CACNG3: variants seen among roughly 807,000 people sequenced by gnomAD.
The protein encoded by CACNG3 is calcium voltage-gated channel auxiliary subunit gamma 3.
CACNG3 carries 3 observed loss-of-function variants against 28.5 expected under a neutral mutation model. The ratio of observed to expected loss-of-function variants is 0.11; its 90% confidence interval spans 0.05 to 0.27. The LOEUF is 0.27. Among genes scored for constraint, CACNG3 ranks in the 10% least tolerant of loss-of-function variants. The pLI is 1.00. For missense variants in CACNG3, 236 were observed against 414.4 expected, an observed-to-expected ratio of 0.57 and a Z score of 3.74; for synonymous variants, 174 against 162.2, an observed-to-expected ratio of 1.07 and a Z score of -0.55.
intron 1 of CACNG3, among the ~76,000 whole-genome samples, chr16:24,274,470 T>C (rs1373616191): frequency 1.3e-5 from 2 of 152,212 alleles, no homozygotes; most frequent in East Asian, 3.9e-4. Context: ...TTGGACAGAA[T>C]CTACTCATCT....
At chr16:24,343,775 T>C (rs999507176) in intron 1 of CACNG3, among the ~76,000 whole-genome samples, 4 of 152,130 alleles carry the variant, frequency 2.6e-5, no homozygotes, top group African/African-American at 9.7e-5. Context: ...CTCATATTAA[T>C]AACATTGCCT....
intron 1 of CACNG3, among the ~76,000 whole-genome samples, chr16:24,283,688 T>C (rs930666350): frequency 1.3e-5 from 2 of 152,230 alleles, no homozygotes; most frequent in African/African-American, 4.8e-5. Context: ...GAGAATAGTG[T>C]TAAATAATGG....
At chr16:24,319,774 T>G (rs1015955103) in intron 1 of CACNG3, among the ~76,000 whole-genome samples, 2 of 151,754 alleles carry the variant, frequency 1.3e-5, no homozygotes, top group African/African-American at 4.8e-5. Flanking sequence ...TATTTTTGTT[T>G]GTTTGTTTTG....
chr16:24,331,471 A>G (rs1899630325), intron 1 of CACNG3, among the ~76,000 whole-genome samples: 1 of 152,100 alleles, frequency 6.6e-6, no homozygotes, highest in Non-Finnish European at 1.5e-5. Flanking sequence ...CACCCCCATC[A>G]CCAGTGGCTT....
intron 1 of CACNG3, among the ~76,000 whole-genome samples, chr16:24,281,993 C>A (rs553449312): frequency 6.6e-6 from 1 of 152,266 alleles, no homozygotes; most frequent in South Asian, 2.1e-4. Flanking sequence ...ATTCAGGCAG[C>A]CTTTCACCAG....
At chr16:24,272,659 T>A (rs1249450573) in intron 1 of CACNG3, among the ~76,000 whole-genome samples, 1 of 152,204 alleles carries the variant, frequency 6.6e-6, no homozygotes. Context: ...TCATGCACGT[T>A]ATTTTACATT....
chr16:24,289,332 T>A (rs866290464), intron 1 of CACNG3, among the ~76,000 whole-genome samples: 2 of 151,056 alleles, frequency 1.3e-5, no homozygotes, highest in Non-Finnish European at 1.5e-5. Context: ...AGAAAAAAAA[T>A]CCCTTCAGAT....
intron 1 of CACNG3, among the ~76,000 whole-genome samples, chr16:24,331,326 A>G (rs557229398): frequency 6.6e-6 from 1 of 152,338 alleles, no homozygotes; most frequent in South Asian, 2.1e-4. Context: ...AAATGAAGCA[A>G]GCCTATTCAT....
chr16:24,311,311 G>C (rs568038116), intron 1 of CACNG3, among the ~76,000 whole-genome samples: 2 of 152,204 alleles, frequency 1.3e-5, no homozygotes, highest in East Asian at 3.9e-4. Flanking sequence ...GGGAGTTTAA[G>C]ACCACCCTGG....
At chr16:24,262,799 C>G (rs1322936178) in intron 1 of CACNG3, among the ~76,000 whole-genome samples, 1 of 152,194 alleles carries the variant, frequency 6.6e-6, no homozygotes, top group Non-Finnish European at 1.5e-5. Context: ...AAGTAGATGC[C>G]TTGAAAATAC....
At chr16:24,355,854 G>A (rs920522302) in intron 3 of CACNG3, among the ~76,000 whole-genome samples, 1 of 152,122 alleles carries the variant, frequency 6.6e-6, no homozygotes, top group Non-Finnish European at 1.5e-5. Context: ...AAGCATCTCT[G>A]GGAACAAGGT....
chr16:24,358,962 T>C (rs1204286007), intron 3 of CACNG3, among the ~76,000 whole-genome samples: 1 of 152,206 alleles, frequency 6.6e-6, no homozygotes, highest in Non-Finnish European at 1.5e-5. Context: ...GTGTGGCACA[T>C]GGTAAGCGCC....
chr16:24,340,929 T>C (rs1042518229), intron 1 of CACNG3, among the ~76,000 whole-genome samples: 1 of 152,358 alleles, frequency 6.6e-6, no homozygotes, highest in South Asian at 2.1e-4. Context: ...CTGCTTTAGC[T>C]TCTACCTCTC....
intron 1 of CACNG3, among the ~76,000 whole-genome samples, chr16:24,267,264 C>A (rs369499693): frequency 1.3e-5 from 2 of 152,152 alleles, no homozygotes; most frequent in African/African-American, 4.8e-5. Context: ...CCGCACCTGG[C>A]CTATTTTTAA....
At chr16:24,327,297 G>A (rs1236542224) in intron 1 of CACNG3, among the ~76,000 whole-genome samples, 1 of 151,132 alleles carries the variant, frequency 6.6e-6, no homozygotes, top group Non-Finnish European at 1.5e-5. Flanking sequence ...TGTGACTGAT[G>A]CCTGTAATCC....
intron 1 of CACNG3, among the ~76,000 whole-genome samples, chr16:24,290,361 G>C (rs146715212): frequency 2.6e-3 from 397 of 152,234 alleles, no homozygotes; most frequent in African/African-American, 9.1e-3. Flanking sequence ...TCCTGATAAG[G>C]GTAGTTCATA....
chr16:24,335,862 G>A (rs925116274), intron 1 of CACNG3, among the ~76,000 whole-genome samples: 3 of 152,104 alleles, frequency 2.0e-5, no homozygotes, highest in African/African-American at 7.2e-5. Context: ...ATCACTTGAG[G>A]CCAGGAGTTG....
intron 1 of CACNG3, among the ~76,000 whole-genome samples, chr16:24,315,850 G>C (rs942025613): frequency 6.6e-6 from 1 of 152,116 alleles, no homozygotes; most frequent in African/African-American, 2.4e-5. Flanking sequence ...GTAGAGATGG[G>C]ATATCTCCAG....
At chr16:24,339,224 G>A (rs1899749985) in intron 1 of CACNG3, among the ~76,000 whole-genome samples, 1 of 151,928 alleles carries the variant, frequency 6.6e-6, no homozygotes, top group Non-Finnish European at 1.5e-5. Context: ...TCTCTGTATT[G>A]AAAAAATATC....
Sources: allele counts gnomAD v4.1 joint callset (sites outside exome capture counted in the v4.1 genomes callset), GRCh38; gene constraint gnomAD v4.1.1; transcripts MANE v1.5; gene names NCBI Gene and HGNC (gene_info 2026-07-23, HGNC 2026-07-21).